QSOX1: variants seen among roughly 807,000 people sequenced by gnomAD.
The protein encoded by QSOX1 is sulfhydryl oxidase 1.
A neutral mutation model predicts 76.1 loss-of-function variants in QSOX1; 40 were observed. The ratio of observed to expected loss-of-function variants is 0.53; its 90% CI spans 0.41 to 0.68. The LOEUF is 0.68. Among genes scored for constraint, QSOX1 ranks in the 30% least tolerant of loss-of-function variants. QSOX1 has a pLI of 0.00. For missense variants in QSOX1, 931 were observed against 974.3 expected (o/e 0.96, Z 0.59); for synonymous variants, 392 against 413.1 (o/e 0.95, Z 0.62).
chr1:180,203,543 T>G lies in QSOX1; in HGVS notation c.*6506T>G. The G allele has an allele frequency of 6.6e-6, 1 of 152,212 alleles. No homozygotes were observed. Among genetic ancestry groups the G allele is most frequent in the Non-Finnish European group, 1.5e-5 (1 of 68,024 alleles). 9.4% of individuals were successfully genotyped at this position (152,212 alleles called of 1,614,324 possible). A position where few individuals can be genotyped will look rare whatever the true frequency, so the allele number is the denominator to read the frequency against. The stretch of plus-strand genomic sequence containing the variant: ...TCGAATGTTTGTAATAAAATATTTC[T>G]TTTGGAAGGCAAAAATAGCAAGGAA... On this transcript the variant is annotated 3_prime_UTR_variant, in exon 12 of 12. Transcript: ENST00000367602.
chr1:180,191,186 C>T (rs1471767394), intron 10 of QSOX1, among the ~76,000 whole-genome samples: 1 of 152,142 alleles, frequency 6.6e-6, no homozygotes, highest in Non-Finnish European at 1.5e-5. Context: ...AGGTTTATAC[C>T]AGGCTGCGGC....
intron 1 of QSOX1, among the ~76,000 whole-genome samples, chr1:180,163,716 A>G (rs12059557): frequency 0.029 from 4,477 of 152,324 alleles, 125 homozygotes; most frequent in East Asian, 0.095. Context: ...GGATATGTGG[A>G]CAGGGGCCAA....
At chr1:180,170,572 C>T (rs1388273256) in intron 2 of QSOX1, among the ~76,000 whole-genome samples, 1 of 152,110 alleles carries the variant, frequency 6.6e-6, no homozygotes. Context: ...AGCTAGAGGT[C>T]TTCCAGTAGC....
chr1:180,184,294 A>T (rs1663115803), intron 7 of QSOX1, among the ~76,000 whole-genome samples: 1 of 152,142 alleles, frequency 6.6e-6, no homozygotes, highest in African/African-American at 2.4e-5. Flanking sequence ...TGGGGAATGA[A>T]CACCTTCCAT....
At chr1:180,188,575 G>A (rs1176282771) in intron 8 of QSOX1, among the ~76,000 whole-genome samples, 2 of 152,256 alleles carry the variant, frequency 1.3e-5, no homozygotes, top group African/African-American at 4.8e-5. Context: ...ACGTGTCAAA[G>A]CGTGGTCTTT....
chr1:180,154,882 G>C lies in QSOX1; in HGVS notation c.-26G>C, dbSNP rs1572034248. The C allele has an allele frequency of 7.2e-7, 1 of 1,388,648 alleles. No individual in the cohort carries two copies. Among genetic ancestry groups the C allele is most frequent in the Non-Finnish European group, 9.3e-7 (1 of 1,078,432 alleles). The allele number at this position is 1,388,648 out of a possible 1,614,324, so 86.0% of individuals were successfully genotyped here. On this transcript the variant is annotated 5_prime_UTR_variant, in exon 1 of 12. Coordinates refer to ENST00000367602, the MANE Select transcript of QSOX1 (RefSeq NM_002826.5). ...GGGACCCGACTCATCCGGTGCTTGC[G>C]TGTGGTGGTGAGCGCAGCGCCGAGG...
chr1:180,177,890 T>A (rs888068682), intron 4 of QSOX1, among the ~76,000 whole-genome samples: 3 of 152,108 alleles, frequency 2.0e-5, no homozygotes, highest in Non-Finnish European at 4.4e-5. Context: ...ATATGTTTTG[T>A]TTTGTTTTGG....
Position 180,184,070 on chromosome 1 carries a change from T to C in QSOX1, c.887+20T>C. The C allele has an allele frequency of 6.2e-7, 1 of 1,613,128 alleles. No individual in the cohort carries two copies. Among genetic ancestry groups the C allele is most frequent in the East Asian group, 2.2e-5 (1 of 44,878 alleles). On this transcript the variant is annotated intron_variant, in intron 7 of 11. Coordinates refer to ENST00000367602, the MANE Select transcript of QSOX1 (RefSeq NM_002826.5). ...AGATCGGTAAGGCTACGCCTGGTTCTCCTCACTTCTTCTCCTTCCTCTGAT... is the reference window on the plus strand; with the variant it reads ...AGATCGGTAAGGCTACGCCTGGTTCCCCTCACTTCTTCTCCTTCCTCTGAT...
chr1:180,160,096 G>T (rs983550775), intron 1 of QSOX1, among the ~76,000 whole-genome samples: 1 of 152,160 alleles, frequency 6.6e-6, no homozygotes, highest in African/African-American at 2.4e-5. Flanking sequence ...AGAGGATACA[G>T]TGTAACAGGG....
chr1:180,185,840 A>G (rs1431790072), intron 7 of QSOX1, among the ~76,000 whole-genome samples: 2 of 152,218 alleles, frequency 1.3e-5, no homozygotes, highest in Non-Finnish European at 2.9e-5. Context: ...TGTTATTCAT[A>G]TCTTACAGAT....
chr1:180,163,594 A>ATG (rs1193295165), intron 1 of QSOX1, among the ~76,000 whole-genome samples: 2 of 152,222 alleles, frequency 1.3e-5, no homozygotes, highest in Admixed American at 6.5e-5. Flanking sequence ...AAGCATATAT[A>ATG]CTTTAGACTT....
At chr1:180,164,118 G>A (rs1017395997) in intron 1 of QSOX1, among the ~76,000 whole-genome samples, 9 of 152,226 alleles carry the variant, frequency 5.9e-5, no homozygotes, top group Admixed American at 2.6e-4. Flanking sequence ...GGTAGGGGCA[G>A]AGGGATTGCA....
chr1:180,175,731 G>A (rs140637792), intron 3 of QSOX1, among the ~76,000 whole-genome samples, 200 bp from the exon 4 acceptor site: 3 of 152,266 alleles, frequency 2.0e-5, no homozygotes, highest in Non-Finnish European at 4.4e-5. Context: ...TGAGGGATGG[G>A]TGTCCTTGCA....
rs767921867 is a variant in QSOX1 at position 180,182,227 on chromosome 1, C to T, written c.660C>T (p.Asn220=). The change falls in exon 6 of 12, where the codon AAC becomes AAT. Residue 220 remains asparagine (N), a synonymous_variant. Transcript: ENST00000367602. ...GCGTGGCGGTGCGCAGGGTGCTGAA[C>T]ACAGAGGCCAATGTGGTGAGAAAGT... ...HKGVAVRRVL[N]TEANVVRKFG... is the part of the protein sequence containing the mutation. 1.2e-6 allele frequency: 2 copies of T among 1,614,246 alleles called. No individual in the cohort carries two copies. Among genetic ancestry groups the T allele is most frequent in the African/African-American group, 1.3e-5 (1 of 75,060 alleles).
At chr1:180,190,865 C>T (rs547494417) in intron 10 of QSOX1, among the ~76,000 whole-genome samples, 5 of 152,256 alleles carry the variant, frequency 3.3e-5, no homozygotes, top group South Asian at 2.1e-4. Flanking sequence ...TGTCTTTCTC[C>T]GGGCTTATAG....
intron 2 of QSOX1, among the ~76,000 whole-genome samples, chr1:180,174,996 A>C (rs1296192890): frequency 1.3e-5 from 2 of 151,348 alleles, no homozygotes; most frequent in African/African-American, 4.8e-5. Context: ...CTAAAAATAC[A>C]CACAAAAAAA....
At chr1:180,179,421 G>A (rs1171314051) in intron 5 of QSOX1, among the ~76,000 whole-genome samples, 1 of 152,222 alleles carries the variant, frequency 6.6e-6, no homozygotes, top group African/African-American at 2.4e-5. Flanking sequence ...GCTCCCCAGC[G>A]CTTCCAGCTG....
At chr1:180,162,737 C>G (rs1486974199) in intron 1 of QSOX1, among the ~76,000 whole-genome samples, 2 of 151,620 alleles carry the variant, frequency 1.3e-5, no homozygotes, top group African/African-American at 4.9e-5. Flanking sequence ...GACCTTATCT[C>G]AAAACAAAAA....
chr1:180,156,686 G>T (rs1373102367), intron 1 of QSOX1, among the ~76,000 whole-genome samples: 1 of 152,178 alleles, frequency 6.6e-6, no homozygotes, highest in African/African-American at 2.4e-5. Flanking sequence ...GGTCCCATTA[G>T]CTGAACGTGC....
Sources: allele counts gnomAD v4.1 joint callset (sites outside exome capture counted in the v4.1 genomes callset), GRCh38; gene constraint gnomAD v4.1.1; transcripts MANE v1.5; gene names NCBI Gene and HGNC (gene_info 2026-07-23, HGNC 2026-07-21).